ADAMTSL3: variants seen among roughly 807,000 people sequenced by gnomAD.
ADAMTSL3 encodes ADAMTS like 3.
ADAMTSL3 carries 128 observed loss-of-function variants against 201.7 expected under a neutral mutation model. The observed-to-expected ratio is 0.63, with a 90% confidence interval of 0.55 to 0.73. The LOEUF (loss-of-function observed/expected upper bound fraction) is 0.73, where lower values mean the gene tolerates loss of function less well. Among genes scored for constraint, ADAMTSL3 ranks in the 30% least tolerant of loss-of-function variants. The pLI is 0.00. For missense variants in ADAMTSL3, 1,990 were observed against 2,119.6 expected, an observed-to-expected ratio of 0.94 and a Z score of 1.20; for synonymous variants, 738 against 748.4, an observed-to-expected ratio of 0.99 and a Z score of 0.23.
intron 3 of ADAMTSL3, among the ~76,000 whole-genome samples, chr15:83,750,719 T>A (rs901032393): frequency 6.6e-6 from 1 of 152,078 alleles, no homozygotes; most frequent in Admixed American, 6.5e-5. Flanking sequence ...ACCCAGCTAA[T>A]TTTTGTATTT....
intron 20 of ADAMTSL3, among the ~76,000 whole-genome samples, chr15:83,976,120 G>A (rs1328399740): frequency 1.3e-5 from 2 of 152,186 alleles, no homozygotes; most frequent in East Asian, 1.9e-4. Flanking sequence ...TGGTGGGTTT[G>A]TGAATATTGA....
At chr15:83,868,127 G>A (rs1567201402) in intron 8 of ADAMTSL3, among the ~76,000 whole-genome samples, 1 of 152,084 alleles carries the variant, frequency 6.6e-6, no homozygotes, top group Non-Finnish European at 1.5e-5. Flanking sequence ...CTTAATTCTG[G>A]TGGGGATGCT....
At chr15:83,990,993 C>A in intron 22 of ADAMTSL3, 93 bp from the exon 23 acceptor site, 1 of 1,565,068 alleles carries the variant, frequency 6.4e-7, no homozygotes. Flanking sequence ...CTCCTGCCCT[C>A]AAAGGGCTCA....
chr15:83,888,813 G>A (rs1213195820), intron 10 of ADAMTSL3, among the ~76,000 whole-genome samples: 2 of 152,050 alleles, frequency 1.3e-5, no homozygotes, highest in African/African-American at 2.4e-5. Flanking sequence ...ATACCAGTCC[G>A]TCCTTCTGCA....
At chr15:83,854,844 T>C (rs1212564179) in intron 7 of ADAMTSL3, among the ~76,000 whole-genome samples, 1 of 152,260 alleles carries the variant, frequency 6.6e-6, no homozygotes, top group Non-Finnish European at 1.5e-5. Context: ...GGGTTTCAAA[T>C]TGTCCAAAAT....
Position 83,970,499 on chromosome 15 carries a change from G to T in ADAMTSL3, c.2506G>T (p.Gly836Cys), listed in dbSNP as rs774683915. 2 of 1,614,130 alleles carry T rather than the reference G, an allele frequency of 1.2e-6. No homozygotes were observed. Among genetic ancestry groups the T allele is most frequent in the Non-Finnish European group, 1.7e-6 (2 of 1,180,026 alleles). The change falls in exon 20 of 30, where the codon GGT becomes TGT. Residue 836 changes from glycine (G) to cysteine (C), a missense_variant. Physicochemically the swap from Gly to Cys is radical, Grantham distance 159 (BLOSUM62 -3). Coordinates refer to ENST00000286744, the MANE Select transcript of ADAMTSL3 (RefSeq NM_207517.3). ...GDWSKCSVSCGVGIQRRKQVC... is the reference protein window; with the variant it reads ...GDWSKCSVSCCVGIQRRKQVC... ...CTCATTTCAGTGTTCTGTCAGTTGT[G>T]GTGTTGGAATCCAGAGAAGAAAGCA...
intron 2 of ADAMTSL3, among the ~76,000 whole-genome samples, chr15:83,684,758 T>G (rs2061515126): frequency 9.7e-6 from 1 of 103,440 alleles, no homozygotes; most frequent in Non-Finnish European, 1.9e-5. Context: ...CAGAATTCTT[T>G]ATTTATTCTC....
intron 2 of ADAMTSL3, among the ~76,000 whole-genome samples, chr15:83,684,143 C>T (rs1014255601): frequency 2.0e-5 from 3 of 152,124 alleles, no homozygotes; most frequent in African/African-American, 7.2e-5. Flanking sequence ...GCTTATGTCT[C>T]ATAGATATTA....
intron 10 of ADAMTSL3, 51 bp downstream of exon 10, chr15:83,885,263 T>G (rs2065363852): frequency 2.1e-6 from 3 of 1,416,940 alleles, no homozygotes; most frequent in Non-Finnish European, 3.0e-6. Context: ...GTTAGATAAA[T>G]TAGACATTTA....
chr15:83,972,824 A>G (rs2067220119), intron 20 of ADAMTSL3, among the ~76,000 whole-genome samples: 1 of 152,114 alleles, frequency 6.6e-6, no homozygotes, highest in African/African-American at 2.4e-5. Context: ...TTTGATCACT[A>G]GCCCTTGCTT....
intron 2 of ADAMTSL3, among the ~76,000 whole-genome samples, chr15:83,675,070 A>G (rs2061384394): frequency 6.6e-6 from 1 of 151,926 alleles, no homozygotes; most frequent in South Asian, 2.1e-4. Context: ...CAGAAATACA[A>G]TTGATTTTTG....
At chr15:84,003,547 G>T (rs1006041908) in intron 23 of ADAMTSL3, among the ~76,000 whole-genome samples, 2 of 152,176 alleles carry the variant, frequency 1.3e-5, no homozygotes, top group African/African-American at 2.4e-5. Context: ...TCGTATTGGT[G>T]TCAGAGCAGG....
At chr15:83,995,195 C>G (rs1411489335) in intron 23 of ADAMTSL3, among the ~76,000 whole-genome samples, 1 of 152,134 alleles carries the variant, frequency 6.6e-6, no homozygotes, top group Non-Finnish European at 1.5e-5. Context: ...CAACCAGAGG[C>G]TACCAGGAGC....
At chr15:83,702,144 G>A (rs2061787061) in intron 2 of ADAMTSL3, among the ~76,000 whole-genome samples, 1 of 152,164 alleles carries the variant, frequency 6.6e-6, no homozygotes, top group Non-Finnish European at 1.5e-5. Context: ...CTAGAGATTT[G>A]TGGAACTTTG....
chr15:83,655,698 G>T lies in ADAMTSL3; in HGVS notation c.-33-31G>T, dbSNP rs968004549. 2.6e-6 allele frequency: 4 copies of T among 1,530,604 alleles called. No individual in the cohort carries two copies. In the Admixed American group the frequency reaches 5.1e-5, roughly 19 times the overall value. 94.8% of individuals were successfully genotyped at this position (1,530,604 alleles called of 1,614,324 possible). A position where few individuals can be genotyped will look rare whatever the true frequency, so the allele number is the denominator to read the frequency against. On this transcript the variant is annotated intron_variant, in intron 1 of 29. Coordinates refer to ENST00000286744, the MANE Select transcript of ADAMTSL3 (RefSeq NM_207517.3). The stretch of plus-strand genomic sequence containing the variant: ...GTTTACTGCCATGGGGGCCAGAGCT[G>T]GTTGGTAATGAACTCTTTCCTCGTT...
chr15:83,962,625 T>C (rs1297745990), intron 19 of ADAMTSL3: 2 of 152,256 alleles, frequency 1.3e-5, no homozygotes, highest in Non-Finnish European at 2.9e-5. Flanking sequence ...ACTCTATATA[T>C]GGCAGTTTGG....
At position 84,016,408 on chromosome 15, in the gene ADAMTSL3, C is replaced by A; in HGVS notation, c.4182C>A (p.Ile1394=). 6.2e-7 allele frequency: 1 copy of A among 1,613,660 alleles called. No homozygotes were observed. Among genetic ancestry groups the A allele is most frequent in the South Asian group, 1.1e-5 (1 of 91,034 alleles). The change falls in exon 25 of 30, where the codon ATC becomes ATA. Residue 1394 remains isoleucine (I), a synonymous_variant. Coordinates refer to ENST00000286744, the MANE Select transcript of ADAMTSL3 (RefSeq NM_207517.3). Reference sequence around the variant, plus strand: ...AACGAAGATGGCCAGAGAGTAGAATCGTATTTCTGCAAGGACATAAAAAGT... The same window carrying A: ...AACGAAGATGGCCAGAGAGTAGAATAGTATTTCTGCAAGGACATAAAAAGT... The part of the protein sequence containing the change: ...LLERRWPESR[I]VFLQGHKKYI...
At chr15:84,029,095 T>A (rs1400632616) in intron 27 of ADAMTSL3, among the ~76,000 whole-genome samples, 2 of 152,130 alleles carry the variant, frequency 1.3e-5, no homozygotes, top group Non-Finnish European at 2.9e-5. Context: ...AATGAACTAA[T>A]ATAGTAAATT....
chr15:83,838,199 C>T lies in ADAMTSL3; in HGVS notation c.711C>T (p.His237=), dbSNP rs754111694. 1.2e-5 allele frequency: 19 copies of T among 1,612,384 alleles called. No homozygotes were observed. Among genetic ancestry groups the T allele is most frequent in the Admixed American group, 3.3e-5 (2 of 59,756 alleles). Reference sequence around the variant, plus strand: ...TTGTACGGGGACAATCAAAGTCACACGTTTCTCCTGAAAAAAGTAGGTTTT... The same window carrying T: ...TTGTACGGGGACAATCAAAGTCACATGTTTCTCCTGAAAAAAGTAGGTTTT... ...CRLVRGQSKS[H]VSPEKREENV... is the part of the protein sequence containing the mutation. Residue 237 remains histidine, a synonymous_variant, in exon 7 of 30, where the codon CAC becomes CAT. Transcript: ENST00000286744.
Sources: allele counts gnomAD v4.1 joint callset (sites outside exome capture counted in the v4.1 genomes callset), GRCh38; gene constraint gnomAD v4.1.1; transcripts MANE v1.5; gene names NCBI Gene and HGNC (gene_info 2026-07-23, HGNC 2026-07-21).